Variants in ZMYM4 observed in about 807,000 individuals in gnomAD.
ZMYM4 encodes the protein zinc finger MYM-type containing 4, also known as zinc finger MYM-type protein 4.
ZMYM4 carries 31 observed loss-of-function variants against 183.2 expected under a neutral mutation model. That is an observed-to-expected ratio of 0.17 (90% CI 0.13 to 0.23). ZMYM4 has a LOEUF of 0.23. Ranked by LOEUF, ZMYM4 falls within the 10% of genes least tolerant of loss-of-function variation. The pLI is 1.00. For missense variants in ZMYM4, 1,273 were observed against 1,840.3 expected (o/e 0.69, Z 5.64); for synonymous variants, 592 against 631.2 (o/e 0.94, Z 0.93).
At chr1:35,314,542 C>T (rs1024206649) in intron 1 of ZMYM4, among the ~76,000 whole-genome samples, 6 of 151,558 alleles carry the variant, frequency 4.0e-5, no homozygotes, top group Non-Finnish European at 7.4e-5. Flanking sequence ...GCCTCAGCCT[C>T]CCAAAGTGCT....
Position 35,323,425 on chromosome 1 carries a change from G to A in ZMYM4, c.40-1935G>A, listed in dbSNP as rs568575708. Among the ~76,000 whole-genome samples the A allele has an allele frequency of 3.3e-5, 5 of 152,240 alleles. No individual in the cohort carries two copies. The South Asian group carries it at 1.0e-3, about 32-fold the overall frequency. On this transcript the variant is annotated intron_variant, in intron 1 of 29. Coordinates refer to ENST00000314607, the MANE Select transcript of ZMYM4 (RefSeq NM_005095.3). ...GAAGGAATAATAGCATCGGGCCTTG[G>A]GACAGTATTGTTCAAAAACAAACTG...
At chr1:35,304,747 G>A (rs1026245397) in intron 1 of ZMYM4, among the ~76,000 whole-genome samples, 5 of 151,782 alleles carry the variant, frequency 3.3e-5, no homozygotes, top group African/African-American at 7.3e-5. Flanking sequence ...AGGATTACAC[G>A]TGTGAGCCAC....
intron 7 of ZMYM4, among the ~76,000 whole-genome samples, chr1:35,372,077 G>A (rs1020032440): frequency 6.6e-6 from 1 of 152,092 alleles, no homozygotes; most frequent in Non-Finnish European, 1.5e-5. Context: ...TCTCCTGAGT[G>A]CTTATTTACT....
At chr1:35,294,235 G>A (rs917164973) in intron 1 of ZMYM4, among the ~76,000 whole-genome samples, 2 of 151,922 alleles carry the variant, frequency 1.3e-5, no homozygotes, top group African/African-American at 4.8e-5. Context: ...CTTTCTTGCT[G>A]CTTTATATGA....
intron 2 of ZMYM4, among the ~76,000 whole-genome samples, chr1:35,338,090 T>A (rs771089158): frequency 2.0e-5 from 3 of 152,180 alleles, no homozygotes; most frequent in Admixed American, 6.5e-5. Flanking sequence ...TATTAAAACA[T>A]GTGAAAATCA....
intron 2 of ZMYM4, among the ~76,000 whole-genome samples, chr1:35,349,439 G>A (rs1055660062): frequency 8.5e-5 from 13 of 152,182 alleles, no homozygotes; most frequent in Admixed American, 3.3e-4. Context: ...GGCTTTGACT[G>A]TTGAATTACA....
At position 35,381,768 on chromosome 1, in the gene ZMYM4, C is replaced by G. The variant is rs755394166; in HGVS notation, c.1569+10C>G. 1 of 1,612,620 alleles carries G rather than the reference C, an allele frequency of 6.2e-7. No homozygotes were observed. Among genetic ancestry groups the G allele is most frequent in the Non-Finnish European group, 8.5e-7 (1 of 1,179,360 alleles). ...CACGGCATACAAGCAGGTACATGAC[C>G]ATATTTAATCTTGATGTCTTTGTTC... On this transcript the variant is annotated intron_variant, in intron 9 of 29. Transcript: ENST00000314607.
intron 5 of ZMYM4, among the ~76,000 whole-genome samples, chr1:35,364,169 A>G (rs1411702581): frequency 6.6e-6 from 1 of 152,234 alleles, no homozygotes; most frequent in Non-Finnish European, 1.5e-5. Flanking sequence ...AAGTTTCATC[A>G]TGATTATGGG....
At chr1:35,386,928 G>A in intron 11 of ZMYM4, 75 bp from the exon 12 acceptor site, 3 of 1,486,138 alleles carry the variant, frequency 2.0e-6, no homozygotes, top group Non-Finnish European at 2.7e-6. Context: ...ACGGTGCTTG[G>A]CATATGTAGG....
chr1:35,312,221 C>T (rs1043411133), intron 1 of ZMYM4, among the ~76,000 whole-genome samples: 9 of 152,144 alleles, frequency 5.9e-5, no homozygotes, highest in African/African-American at 7.2e-5. Flanking sequence ...TCCTGTTTGA[C>T]GTTTGCTTAG....
chr1:35,319,942 G>T (rs1019089455), intron 1 of ZMYM4, among the ~76,000 whole-genome samples: 16 of 152,178 alleles, frequency 1.1e-4, no homozygotes, highest in African/African-American at 3.9e-4. Flanking sequence ...TAATAGAAAT[G>T]ATTCTTTTAT....
rs1553171171 is a variant in ZMYM4, at chr1:35,349,964, T to TTA, written c.86-8949_86-8948dup. Among the ~76,000 whole-genome samples, 22 of 151,156 alleles carry TTA rather than the reference T, an allele frequency of 1.5e-4. 2 individuals carry two copies. Among genetic ancestry groups the TTA allele is most frequent in the East Asian group, 9.7e-4 (5 of 5,174 alleles). On this transcript the variant is annotated intron_variant, in intron 2 of 29. Coordinates refer to ENST00000314607, the MANE Select transcript of ZMYM4 (RefSeq NM_005095.3). The stretch of plus-strand genomic sequence containing the variant: ...TAATTTAATTTTTGTTTTTCATTTT[T>TTA]TATATATATATATTTTAAAGACAGA...
chr1:35,315,750 GTGAGACCC>G lies in ZMYM4; in HGVS notation c.40-9607_40-9600del, dbSNP rs559672789. 3.3e-4 allele frequency among the ~76,000 whole-genome samples: 50 copies of G among 152,160 alleles called. 1 individual carries two copies. The highest frequency in any genetic ancestry group is 3.4e-3 in the Middle Eastern group (1 of 294). ...GGGTTTGGGACCAGAATTGGCAACA[GTGAGACCC>G]TGTCTCTACAAAAAAATAAAGAAAA... On this transcript the variant is annotated intron_variant, in intron 1 of 29. Transcript: ENST00000314607.
In ZMYM4 at chr1:35,339,320, C is replaced by T. The variant is rs568512885; in HGVS notation, c.85+13915C>T. On this transcript the variant is annotated intron_variant, in intron 2 of 29. Transcript: ENST00000314607. ...CGCGATCTTTGCTCACTGCTTCCTC[C>T]GCCTCCTGGGTTCAAGCAGTTCTCC... Among the ~76,000 whole-genome samples the T allele has an allele frequency of 1.2e-4, 19 of 152,118 alleles. No homozygotes were observed. The East Asian group carries it at 1.9e-3, about 15-fold the overall frequency.
intron 1 of ZMYM4, among the ~76,000 whole-genome samples, chr1:35,308,568 G>A (rs994638107): frequency 9.2e-5 from 14 of 152,100 alleles, no homozygotes; most frequent in African/African-American, 3.4e-4. Flanking sequence ...GTAGTTAAGA[G>A]TGGATGATAA....
chr1:35,399,616 C>T, intron 23 of ZMYM4, 40 bp downstream of exon 23: 1 of 1,602,556 alleles, frequency 6.2e-7, no homozygotes. Flanking sequence ...TTCTTTCCTT[C>T]ATTCTACAAG....
At chr1:35,302,957 A>G (rs1367337684) in intron 1 of ZMYM4, among the ~76,000 whole-genome samples, 1 of 150,630 alleles carries the variant, frequency 6.6e-6, no homozygotes, top group Non-Finnish European at 1.5e-5. Flanking sequence ...CCTGAGCAAT[A>G]CAGGGAAACA....
In ZMYM4 at chr1:35,421,078, A is replaced by G. The variant is rs1640310970; in HGVS notation, c.*1401A>G. ...CTAAGGTTAATTTGACGCTATGATAAAACTGAGAGATGTCAAAAAGCCTCT... is the reference window on the plus strand; with the variant it reads ...CTAAGGTTAATTTGACGCTATGATAGAACTGAGAGATGTCAAAAAGCCTCT... On this transcript the variant is annotated 3_prime_UTR_variant, in exon 30 of 30. Coordinates refer to ENST00000314607, the MANE Select transcript of ZMYM4 (RefSeq NM_005095.3). 1 of 152,510 alleles carries G rather than the reference A, an allele frequency of 6.6e-6. No homozygotes were observed. The highest frequency in any genetic ancestry group is 1.5e-5 in the Non-Finnish European group (1 of 68,038). The allele number at this position is 152,510 out of a possible 1,614,324, so 9.4% of individuals were successfully genotyped here.
chr1:35,366,424 TCAATC>T (rs1438523442), intron 5 of ZMYM4, among the ~76,000 whole-genome samples: 6 of 152,122 alleles, frequency 3.9e-5, no homozygotes, highest in African/African-American at 1.2e-4. Flanking sequence ...GATTTTTACT[TCAATC>T]CATGTTAAAG....
Sources: allele counts gnomAD v4.1 joint callset (sites outside exome capture counted in the v4.1 genomes callset), GRCh38; gene constraint gnomAD v4.1.1; transcripts MANE v1.5; gene names NCBI Gene and HGNC (gene_info 2026-07-23, HGNC 2026-07-21).